ABTB2: variants seen among roughly 807,000 people sequenced by gnomAD.
ABTB2 encodes ankyrin repeat and BTB domain containing 2, also known as ankyrin repeat and BTB/POZ domain-containing protein 2.
ABTB2 carries 56 observed loss-of-function variants against 104.1 expected under a neutral mutation model. The ratio of observed to expected loss-of-function variants is 0.54; its 90% confidence interval spans 0.43 to 0.67. ABTB2 has a LOEUF of 0.67. Ranked by LOEUF, ABTB2 falls within the 30% of genes least tolerant of loss-of-function variation. The pLI, the probability that ABTB2 is intolerant of heterozygous loss-of-function variation, is 0.00. For missense variants in ABTB2, 1,279 were observed against 1,407.7 expected, an observed-to-expected ratio of 0.91 and a Z score of 1.46; for synonymous variants, 606 against 608.2, an observed-to-expected ratio of 1.00 and a Z score of 0.05.
intron 1 of ABTB2, among the ~76,000 whole-genome samples, chr11:34,211,585 T>C (rs1853480439): frequency 6.6e-6 from 1 of 152,074 alleles, no homozygotes; most frequent in African/African-American, 2.4e-5. Flanking sequence ...CAATCATCCA[T>C]GTAAAGTGAT....
At chr11:34,350,325 C>G (rs974373035) in intron 1 of ABTB2, among the ~76,000 whole-genome samples, 1 of 152,210 alleles carries the variant, frequency 6.6e-6, no homozygotes, top group Admixed American at 6.5e-5. Flanking sequence ...AGACTCAAAT[C>G]CCTCTTGGTG....
At chr11:34,251,153 C>A (rs1361148645) in intron 1 of ABTB2, among the ~76,000 whole-genome samples, 2 of 152,206 alleles carry the variant, frequency 1.3e-5, no homozygotes, top group Non-Finnish European at 2.9e-5. Flanking sequence ...GTAGGAGGAG[C>A]CTCTCAGAGG....
At chr11:34,271,026 T>A (rs1175646642) in intron 1 of ABTB2, among the ~76,000 whole-genome samples, 1 of 151,974 alleles carries the variant, frequency 6.6e-6, no homozygotes, top group Non-Finnish European at 1.5e-5. Context: ...ATGGGTGGGT[T>A]TTTGATGGAG....
At chr11:34,210,033 T>A (rs890867379) in intron 1 of ABTB2, among the ~76,000 whole-genome samples, 4 of 151,996 alleles carry the variant, frequency 2.6e-5, no homozygotes, top group Non-Finnish European at 5.9e-5. Context: ...GCCGCCTTCT[T>A]GCCAGTTGCC....
chr11:34,184,392 G>C (rs1191171546), intron 3 of ABTB2, among the ~76,000 whole-genome samples: 2 of 152,234 alleles, frequency 1.3e-5, no homozygotes, highest in Non-Finnish European at 2.9e-5. Flanking sequence ...TGTAGGGATG[G>C]AGCTGTCACC....
At chr11:34,226,143 A>G (rs968756722) in intron 1 of ABTB2, among the ~76,000 whole-genome samples, 4 of 148,390 alleles carry the variant, frequency 2.7e-5, no homozygotes, top group East Asian at 2.1e-4. Flanking sequence ...CAGAGATTGC[A>G]GTGAGCTGAG....
intron 1 of ABTB2, among the ~76,000 whole-genome samples, chr11:34,282,807 C>T (rs1377530871): frequency 6.6e-6 from 1 of 152,090 alleles, no homozygotes; most frequent in East Asian, 1.9e-4. Context: ...GCTGGGACTA[C>T]AAGCATGAGC....
chr11:34,310,503 T>G (rs1450793364), intron 1 of ABTB2, among the ~76,000 whole-genome samples: 1 of 152,038 alleles, frequency 6.6e-6, no homozygotes, highest in African/African-American at 2.4e-5. Context: ...CCCTTGTGGG[T>G]TTCCTCCTCA....
rs768705262 is a variant in ABTB2 at position 34,154,420 on chromosome 11, A to G, written c.2767-42T>C. 2.7e-5 allele frequency: 38 copies of G among 1,433,522 alleles called. No homozygotes were observed. Among genetic ancestry groups the G allele is most frequent in the Admixed American group, 5.3e-5 (3 of 56,178 alleles). 88.8% of individuals were successfully genotyped at this position (1,433,522 alleles called of 1,614,324 possible). On this transcript the variant is annotated intron_variant, in intron 15 of 16. Transcript: ENST00000435224. The surrounding 1 kb of genome is among the most constrained non-coding windows in gnomAD (Gnocchi z 4.9). Reference sequence around the variant, plus strand: ...GCAGGTCTTGGGGACCCATGGCCAGACCAGTGGCCCAGACAGCACCGAACA... The same window carrying G: ...GCAGGTCTTGGGGACCCATGGCCAGGCCAGTGGCCCAGACAGCACCGAACA...
At chr11:34,320,067 G>A (rs531558606) in intron 1 of ABTB2, among the ~76,000 whole-genome samples, 1 of 152,290 alleles carries the variant, frequency 6.6e-6, no homozygotes, top group East Asian at 1.9e-4. Context: ...GAGAGCAGGT[G>A]TATTAAAATG....
At chr11:34,313,595 A>G (rs1438950902) in intron 1 of ABTB2, among the ~76,000 whole-genome samples, 1 of 152,338 alleles carries the variant, frequency 6.6e-6, no homozygotes, top group Non-Finnish European at 1.5e-5. Flanking sequence ...AGAATATCTC[A>G]AACGCCCTGA....
At chr11:34,274,440 C>A (rs1469728697) in intron 1 of ABTB2, among the ~76,000 whole-genome samples, 1 of 152,074 alleles carries the variant, frequency 6.6e-6, no homozygotes. Context: ...TGCAGTTCCT[C>A]TCACCTGGAC....
chr11:34,160,309 G>T lies in ABTB2; in HGVS notation c.2442C>A (p.Cys814Ter). The T allele has an allele frequency of 6.2e-7, 1 of 1,614,220 alleles. No homozygotes were observed. The highest frequency in any genetic ancestry group is 8.5e-7 in the Non-Finnish European group (1 of 1,180,032). ...IQQLATIFTH[C>*]YGSSPIPSIP... ...TGCTGGGGATGGGACTGCTGCCATA[G>T]CAGTGGGTGAAGATGGTAGCCAGTT... The change falls in exon 12 of 17, where the codon TGC (cysteine) becomes TGA (stop). Residue 814 changes from cysteine (C) to a stop codon, truncating the protein, a stop_gained. Coordinates refer to ENST00000435224, the MANE Select transcript of ABTB2 (RefSeq NM_145804.3). LOFTEE classifies it high-confidence loss of function.
chr11:34,301,871 T>C (rs11604429), intron 1 of ABTB2, among the ~76,000 whole-genome samples: 35,037 of 152,038 alleles, frequency 0.23, 4,442 homozygotes, highest in East Asian at 0.44. Flanking sequence ...CCTGTGGTCC[T>C]AGCTACTTTC....
chr11:34,274,744 CCT>C (rs1335948958), intron 1 of ABTB2, among the ~76,000 whole-genome samples: 3 of 151,998 alleles, frequency 2.0e-5, no homozygotes, highest in Non-Finnish European at 2.9e-5. Flanking sequence ...TCTGCAGAAC[CCT>C]GTTTCAGACC....
chr11:34,170,770 C>T, intron 5 of ABTB2, 136 bp downstream of exon 5: 1 of 1,064,560 alleles, frequency 9.4e-7, no homozygotes, highest in Non-Finnish European at 1.3e-6. Context: ...GGGCAGGATT[C>T]AGGGAGGTAG....
Position 34,173,199 on chromosome 11 carries a change from G to A in ABTB2, c.1353C>T (p.Ala451=), listed in dbSNP as rs1419265261. 3.1e-6 allele frequency: 5 copies of A among 1,613,756 alleles called. No homozygotes were observed. Among genetic ancestry groups the A allele is most frequent in the Non-Finnish European group, 4.2e-6 (5 of 1,179,918 alleles). ...TVDSGDIRQA[A]RLLLPGLDCE... is the part of the protein sequence containing the mutation. ...AGTCCAGACCAGGCAGCAGCAGCCG[G>A]GCTGCCTGCCGGATGTCGCCGCTGT... Residue 451 remains alanine (A), a synonymous_variant, in exon 4 of 17, where the codon GCC becomes GCT. Coordinates refer to ENST00000435224, the MANE Select transcript of ABTB2 (RefSeq NM_145804.3).
At chr11:34,276,405 C>T (rs1854382464) in intron 1 of ABTB2, among the ~76,000 whole-genome samples, 1 of 152,252 alleles carries the variant, frequency 6.6e-6, no homozygotes, top group Admixed American at 6.5e-5. Context: ...TGAAGCTATA[C>T]TTCATAATCC....
chr11:34,159,288 CCA>C lies in ABTB2; in HGVS notation c.2697+6_2697+7del. 2 of 1,611,262 alleles carry C rather than the reference CCA, an allele frequency of 1.2e-6. No individual in the cohort carries two copies. The highest frequency in any genetic ancestry group is 1.1e-5 in the South Asian group (1 of 90,962). On this transcript the variant is annotated splice_donor_region_variant and intron_variant, in intron 14 of 16. Coordinates refer to ENST00000435224, the MANE Select transcript of ABTB2 (RefSeq NM_145804.3). ...TCTGAGAAGAGGGCGGCACCAAGAC[CCA>C]CACACCTGAAAAATGTGGTACTTCA...
Sources: allele counts gnomAD v4.1 joint callset (sites outside exome capture counted in the v4.1 genomes callset), GRCh38; gene constraint gnomAD v4.1.1; non-coding constraint Gnocchi (gnomAD v3.1); transcripts MANE v1.5; gene names NCBI Gene and HGNC (gene_info 2026-07-23, HGNC 2026-07-21).